PXK: variants seen among roughly 807,000 people sequenced by gnomAD.
PXK encodes the protein PX domain-containing protein kinase-like protein.
In PXK, 35 loss-of-function variants were observed where a neutral mutation model predicts 84.7. The ratio of observed to expected loss-of-function variants is 0.41; its 90% CI spans 0.32 to 0.55. The LOEUF (loss-of-function observed/expected upper bound fraction) is 0.55. Among genes scored for constraint, PXK ranks in the 20% least tolerant of loss-of-function variants. The probability of loss-of-function intolerance (pLI) is 0.21; values close to 1 mark genes in which losing one functional copy is unlikely to be tolerated. For missense variants in PXK, 634 were observed against 699.7 expected, an observed-to-expected ratio of 0.91 and a Z score of 1.06; for synonymous variants, 253 against 260.8, an observed-to-expected ratio of 0.97 and a Z score of 0.29.
At chr3:58,351,749 T>TACTC (rs1465296000) in intron 1 of PXK, among the ~76,000 whole-genome samples, 1 of 152,122 alleles carries the variant, frequency 6.6e-6, no homozygotes, top group Admixed American at 6.5e-5. Flanking sequence ...GGAGTCATGG[T>TACTC]ACTCCTTCTT....
rs1387064693 is a variant in PXK at position 58,425,133 on chromosome 3, AAT to A, written c.*175_*176del. 7 of 1,040,502 alleles carry A rather than the reference AAT, an allele frequency of 6.7e-6. No individual in the cohort carries two copies. The highest frequency in any genetic ancestry group is 1.6e-5 in the African/African-American group (1 of 61,806). The allele number at this position is 1,040,502 out of a possible 1,614,324, so 64.5% of individuals were successfully genotyped here. A position where few individuals can be genotyped will look rare whatever the true frequency, so the allele number is the denominator to read the frequency against. ...TCGAGAGAAATAATTCTTTAAGCAG[AAT>A]AAAGTTAGGCTGGCATTGCTCCCTT... is the stretch of plus-strand genomic sequence containing the variant. On this transcript the variant is annotated 3_prime_UTR_variant, in exon 18 of 18. Transcript: ENST00000356151.
At chr3:58,382,441 A>G (rs1026108841) in intron 3 of PXK, 73 bp from the exon 4 acceptor site, 5 of 1,276,196 alleles carry the variant, frequency 3.9e-6, no homozygotes, top group East Asian at 2.6e-5. Context: ...ATGAAATATG[A>G]TAGGTCAAGA....
intron 3 of PXK, among the ~76,000 whole-genome samples, chr3:58,378,958 T>G (rs2108725392): frequency 6.6e-6 from 1 of 152,180 alleles, no homozygotes; most frequent in East Asian, 1.9e-4. Flanking sequence ...AGTTTTGCTC[T>G]GTTGCCCAGG....
At position 58,351,774 on chromosome 3, in the gene PXK, G is replaced by A. The variant is rs144247224; in HGVS notation, c.103-14100G>A. ...TACTCCTTCTTAGAAATCAGAGACT[G>A]ATACAATTGTTTCTCATATTTAAAG... On this transcript the variant is annotated intron_variant, in intron 1 of 17. Transcript: ENST00000356151. 8.0e-3 allele frequency among the ~76,000 whole-genome samples: 1,221 copies of A among 152,078 alleles called. 13 individuals are homozygous for A. Among genetic ancestry groups the A allele is most frequent in the Non-Finnish European group, 0.012 (848 of 68,004 alleles).
In PXK at chr3:58,414,817, A is replaced by C. The variant is rs927085340; in HGVS notation, c.1528+1854A>C. On this transcript the variant is annotated intron_variant, in intron 17 of 17. Transcript: ENST00000356151. This position sits in a 1 kb window ranked among gnomAD's most constrained non-coding sequence, Gnocchi z 4.5. ...CTGGGCATTTCCTGTAATGCATCTC[A>C]TGAAAATGGTAACTAATATTTAGCA... Among the ~76,000 whole-genome samples, 2 of 152,252 alleles carry C rather than the reference A, an allele frequency of 1.3e-5. No individual in the cohort carries two copies. The highest frequency in any genetic ancestry group is 4.8e-5 in the African/African-American group (2 of 41,550).
intron 1 of PXK, among the ~76,000 whole-genome samples, chr3:58,337,200 A>G (rs77033057): frequency 0.046 from 6,994 of 152,282 alleles, 566 homozygotes; most frequent in African/African-American, 0.16. Flanking sequence ...TGAGAAACAG[A>G]TAATTATAGT....
intron 1 of PXK, among the ~76,000 whole-genome samples, chr3:58,361,334 A>G (rs1003699317): frequency 6.6e-6 from 1 of 150,914 alleles, no homozygotes; most frequent in East Asian, 1.9e-4. Context: ...GAGAGATCCC[A>G]TATACCCTTT....
chr3:58,356,465 G>C (rs1276899896), intron 1 of PXK, among the ~76,000 whole-genome samples: 1 of 151,802 alleles, frequency 6.6e-6, no homozygotes, highest in Non-Finnish European at 1.5e-5. Flanking sequence ...TGATTCATTG[G>C]AGGATCCCAG....
At chr3:58,369,590 C>A (rs953466417) in intron 3 of PXK, 112 bp downstream of exon 3, 26 of 772,494 alleles carry the variant, frequency 3.4e-5, no homozygotes, top group Middle Eastern at 2.8e-4. Context: ...CTTGGGGAGG[C>A]CAATGCGGGT....
intron 1 of PXK, among the ~76,000 whole-genome samples, chr3:58,342,247 G>C (rs1012594725): frequency 6.6e-6 from 1 of 152,090 alleles, no homozygotes; most frequent in East Asian, 1.9e-4. Flanking sequence ...CTGCTTCCCT[G>C]TTCATAAATA....
rs375098516 is a variant in PXK at position 58,392,442 on chromosome 3, C to G, written c.615+595C>G. 1.1e-4 allele frequency among the ~76,000 whole-genome samples: 16 copies of G among 152,170 alleles called. No homozygotes were observed. The East Asian group carries it at 1.3e-3, about 13-fold the overall frequency. On this transcript the variant is annotated intron_variant, in intron 7 of 17. Transcript: ENST00000356151. Reference sequence around the variant, plus strand: ...TTAACATTGACATTCTTTATCTTGTCTGCATGAAGATGTAGTTCCCTGGAA... The same window carrying G: ...TTAACATTGACATTCTTTATCTTGTGTGCATGAAGATGTAGTTCCCTGGAA...
At chr3:58,387,696 A>G (rs2098568775) in intron 4 of PXK, among the ~76,000 whole-genome samples, 2 of 152,200 alleles carry the variant, frequency 1.3e-5, no homozygotes, top group Non-Finnish European at 2.9e-5. Flanking sequence ...CCTTCCAGCC[A>G]GAGCATACAG....
At chr3:58,360,473 G>A (rs541081256) in intron 1 of PXK, among the ~76,000 whole-genome samples, 14 of 152,266 alleles carry the variant, frequency 9.2e-5, no homozygotes, top group East Asian at 5.8e-4. Flanking sequence ...AGTAGTGACC[G>A]TGAGTAATGC....
At chr3:58,338,636 C>A (rs1181482475) in intron 1 of PXK, among the ~76,000 whole-genome samples, 2 of 151,346 alleles carry the variant, frequency 1.3e-5, no homozygotes, top group African/African-American at 2.4e-5. Flanking sequence ...AAAAAAAATT[C>A]TTTTAAAGAT....
chr3:58,403,357 TAA>T (rs1267090308), intron 12 of PXK, among the ~76,000 whole-genome samples: 1 of 152,198 alleles, frequency 6.6e-6, no homozygotes, highest in Non-Finnish European at 1.5e-5. Flanking sequence ...CTACTACTTT[TAA>T]AAATGAAGTA....
Position 58,339,903 on chromosome 3 carries a change from C to T in PXK, c.102+6813C>T, listed in dbSNP as rs575933219. On this transcript the variant is annotated intron_variant, in intron 1 of 17. Transcript: ENST00000356151. Reference sequence around the variant, plus strand: ...GATCTCGGCTCACTGCAACCTCCACCTCCTGGATTCAAGCGATTCTCCTGC... The same window carrying T: ...GATCTCGGCTCACTGCAACCTCCACTTCCTGGATTCAAGCGATTCTCCTGC... 2.3e-3 allele frequency among the ~76,000 whole-genome samples: 346 copies of T among 152,128 alleles called. 4 individuals are homozygous for T. The Middle Eastern group carries it at 0.045, about 20-fold the overall frequency.
At chr3:58,423,563 T>C (rs1202783872) in intron 17 of PXK, 1 of 1,518,420 alleles carries the variant, frequency 6.6e-7, no homozygotes, top group African/African-American at 1.4e-5. Flanking sequence ...TGTACTTACC[T>C]GAGTATTGTG....
At position 58,415,449 on chromosome 3, in the gene PXK, G is replaced by C. The variant is rs372019737; in HGVS notation, c.1528+2486G>C. The stretch of plus-strand genomic sequence containing the variant: ...GTTTATTATAAAGGATGTTACAAAG[G>C]ATACAGATGAAAAGATGCATAGGGC... On this transcript the variant is annotated intron_variant, in intron 17 of 17. Coordinates refer to ENST00000356151, the MANE Select transcript of PXK (RefSeq NM_017771.5). 2.8e-4 allele frequency among the ~76,000 whole-genome samples: 42 copies of C among 152,242 alleles called. No individual in the cohort carries two copies. The South Asian group carries it at 3.7e-3, about 14-fold the overall frequency.
intron 1 of PXK, among the ~76,000 whole-genome samples, chr3:58,343,503 TGTG>T (rs1207506625): frequency 6.6e-6 from 1 of 152,224 alleles, no homozygotes; most frequent in African/African-American, 2.4e-5. Context: ...TGGTGAGTGT[TGTG>T]GTCTCCAGGA....
Sources: allele counts gnomAD v4.1 joint callset (sites outside exome capture counted in the v4.1 genomes callset), GRCh38; gene constraint gnomAD v4.1.1; non-coding constraint Gnocchi (gnomAD v3.1); transcripts MANE v1.5; gene names NCBI Gene and HGNC (gene_info 2026-07-23, HGNC 2026-07-21).